Variants in CYP7B1 observed in about 807,000 individuals in gnomAD.
CYP7B1 encodes cytochrome P450 family 7 subfamily B member 1.
In CYP7B1, 29 loss-of-function variants were observed where a neutral mutation model predicts 42.7. The observed-to-expected ratio is 0.68, with a 90% CI of 0.51 to 0.93. The LOEUF (loss-of-function observed/expected upper bound fraction) is 0.93, where lower values mean the gene tolerates loss of function less well. Ranked by LOEUF, CYP7B1 falls within the 40% of genes least tolerant of loss-of-function variation. The pLI is 0.00. For synonymous variants in CYP7B1, 235 were observed against 218.2 expected (o/e 1.08, Z -0.68); for missense variants, 655 against 600.5 (o/e 1.09, Z -0.95).
intron 5 of CYP7B1, among the ~76,000 whole-genome samples, chr8:64,597,536 T>C (rs900961654): frequency 6.6e-6 from 1 of 152,228 alleles, no homozygotes; most frequent in African/African-American, 2.4e-5. Flanking sequence ...TTTGATGTTG[T>C]AGTTAATTTC....
intron 1 of CYP7B1, among the ~76,000 whole-genome samples, chr8:64,632,898 A>G (rs1321445695): frequency 6.6e-6 from 1 of 152,148 alleles, no homozygotes; most frequent in Non-Finnish European, 1.5e-5. Context: ...AAAGAAAGGA[A>G]GATGAAAAGA....
intron 1 of CYP7B1, among the ~76,000 whole-genome samples, chr8:64,674,335 G>T (rs1806411303): frequency 6.6e-6 from 1 of 152,014 alleles, no homozygotes; most frequent in Non-Finnish European, 1.5e-5. Flanking sequence ...ACCTGAGGGT[G>T]CACACCTTTG....
chr8:64,722,231 C>T (rs1162669299), intron 1 of CYP7B1, among the ~76,000 whole-genome samples: 1 of 152,140 alleles, frequency 6.6e-6, no homozygotes, highest in African/African-American at 2.4e-5. Context: ...AAGGCCCTGG[C>T]CTCTCTAGAC....
At chr8:64,650,831 G>C (rs1047178288) in intron 1 of CYP7B1, among the ~76,000 whole-genome samples, 1 of 152,036 alleles carries the variant, frequency 6.6e-6, no homozygotes, top group African/African-American at 2.4e-5. Context: ...AATTTTCTAG[G>C]TTGGCCTTCA....
At chr8:64,686,201 G>A (rs866636280) in intron 1 of CYP7B1, among the ~76,000 whole-genome samples, 797 of 44,190 alleles carry the variant, frequency 0.018, no homozygotes, top group East Asian at 0.055. Flanking sequence ...CCCTCTGCCC[G>A]GCCAGCCGCC....
chr8:64,688,179 T>C (rs974632376), intron 1 of CYP7B1, among the ~76,000 whole-genome samples: 4 of 152,246 alleles, frequency 2.6e-5, no homozygotes, highest in Non-Finnish European at 5.9e-5. Context: ...ATATTCAGGC[T>C]GGGTCACTAC....
At chr8:64,667,337 C>T (rs1436326705) in intron 1 of CYP7B1, among the ~76,000 whole-genome samples, 2 of 152,222 alleles carry the variant, frequency 1.3e-5, no homozygotes, top group East Asian at 3.9e-4. Flanking sequence ...TATCAATCCC[C>T]GTGCAATAGA....
intron 1 of CYP7B1, among the ~76,000 whole-genome samples, chr8:64,788,060 TG>T (rs1804557778): frequency 6.6e-6 from 1 of 152,218 alleles, no homozygotes; most frequent in Non-Finnish European, 1.5e-5. Flanking sequence ...ATGGGGATTA[TG>T]GGAACTACAA....
At chr8:64,725,888 CA>C (rs1807316241) in intron 1 of CYP7B1, among the ~76,000 whole-genome samples, 1 of 152,160 alleles carries the variant, frequency 6.6e-6, no homozygotes, top group African/African-American at 2.4e-5. Flanking sequence ...ATTGGTCCAC[CA>C]AAAGCCCACC....
At chr8:64,597,916 G>T (rs1805142349) in intron 5 of CYP7B1, among the ~76,000 whole-genome samples, 2 of 152,202 alleles carry the variant, frequency 1.3e-5, no homozygotes, top group African/African-American at 4.8e-5. Flanking sequence ...ATGCAAAAAA[G>T]TAGGTCAGAT....
chr8:64,729,413 T>C (rs766107180), intron 1 of CYP7B1, among the ~76,000 whole-genome samples: 9 of 152,190 alleles, frequency 5.9e-5, no homozygotes, highest in Admixed American at 4.6e-4. Flanking sequence ...TGCAAGATGG[T>C]GCAGAGCCAT....
intron 4 of CYP7B1, among the ~76,000 whole-genome samples, chr8:64,606,507 G>A (rs114924645): frequency 3.8e-4 from 58 of 152,324 alleles, no homozygotes; most frequent in African/African-American, 1.4e-3. Flanking sequence ...AAATAATTGT[G>A]GGATGGCTGC....
chr8:64,797,845 CAAATT>C (rs1398645665), intron 1 of CYP7B1, among the ~76,000 whole-genome samples: 2 of 152,310 alleles, frequency 1.3e-5, no homozygotes, highest in East Asian at 3.9e-4. Context: ...TTCCACAATT[CAAATT>C]AAAGTGACAC....
chr8:64,715,347 T>C (rs1004678272), intron 1 of CYP7B1, among the ~76,000 whole-genome samples: 4 of 152,178 alleles, frequency 2.6e-5, no homozygotes, highest in African/African-American at 7.2e-5. Context: ...AAAGTATGCA[T>C]AGTATTGCTT....
intron 1 of CYP7B1, chr8:64,734,292 C>T: frequency 6.6e-6 from 1 of 152,166 alleles, no homozygotes; most frequent in Non-Finnish European, 1.5e-5. Context: ...GCTGCTCTAA[C>T]AAAATACCTG....
At chr8:64,775,524 G>A (rs1313881189) in intron 1 of CYP7B1, among the ~76,000 whole-genome samples, 3 of 152,092 alleles carry the variant, frequency 2.0e-5, no homozygotes, top group Non-Finnish European at 4.4e-5. Context: ...ACTTGTTGAT[G>A]ACCTACAATG....
chr8:64,650,423 G>A (rs1292500400), intron 1 of CYP7B1, among the ~76,000 whole-genome samples: 4 of 152,076 alleles, frequency 2.6e-5, no homozygotes, highest in Non-Finnish European at 4.4e-5. Flanking sequence ...TGAGGTGGGC[G>A]GATCACCTGA....
At chr8:64,666,916 T>C (rs1806288978) in intron 1 of CYP7B1, among the ~76,000 whole-genome samples, 1 of 152,216 alleles carries the variant, frequency 6.6e-6, no homozygotes, top group African/African-American at 2.4e-5. Context: ...CCCTACAATG[T>C]TAATTTGTTC....
intron 5 of CYP7B1, among the ~76,000 whole-genome samples, chr8:64,601,554 C>A (rs1490390137): frequency 6.6e-6 from 1 of 152,114 alleles, no homozygotes; most frequent in Non-Finnish European, 1.5e-5. Context: ...TACTGAGCCA[C>A]CTGAATGGCT....
Sources: allele counts gnomAD v4.1 joint callset (sites outside exome capture counted in the v4.1 genomes callset), GRCh38; gene constraint gnomAD v4.1.1; transcripts MANE v1.5; gene names NCBI Gene and HGNC (gene_info 2026-07-23, HGNC 2026-07-21).